PRR16: variants seen among roughly 807,000 people sequenced by gnomAD.
PRR16 encodes the protein protein Largen.
Under a neutral mutation model 18.2 loss-of-function variants are expected in PRR16, and 6 were observed. The observed-to-expected ratio is 0.33, with a 90% CI of 0.18 to 0.65. The LOEUF (loss-of-function observed/expected upper bound fraction) is 0.65, where lower values mean the gene tolerates loss of function less well. Among genes scored for constraint, PRR16 ranks in the 30% least tolerant of loss-of-function variants. The probability of loss-of-function intolerance (pLI) is 0.74; values close to 1 mark genes in which losing one functional copy is unlikely to be tolerated. For missense variants in PRR16, 412 were observed against 376.6 expected (o/e 1.09, Z -0.78); for synonymous variants, 151 against 147.8 (o/e 1.02, Z -0.16).
At chr5:120,585,374 C>T (rs1004630776) in intron 1 of PRR16, among the ~76,000 whole-genome samples, 3 of 152,054 alleles carry the variant, frequency 2.0e-5, no homozygotes, top group Admixed American at 6.6e-5. Flanking sequence ...CTTTGGGAGG[C>T]TGAGATGGGC....
chr5:120,674,946 C>T (rs1009985057), intron 1 of PRR16, among the ~76,000 whole-genome samples: 16 of 151,240 alleles, frequency 1.1e-4, no homozygotes, highest in South Asian at 6.2e-4. Context: ...GCTTTTTTTA[C>T]GTATGTGTTA....
intron 1 of PRR16, among the ~76,000 whole-genome samples, chr5:120,497,010 T>C (rs1353964651): frequency 6.6e-6 from 1 of 152,206 alleles, no homozygotes. Context: ...TTAGAGATTT[T>C]AATGTTCTCT....
At chr5:120,600,485 C>G (rs920146484) in intron 1 of PRR16, among the ~76,000 whole-genome samples, 1 of 151,848 alleles carries the variant, frequency 6.6e-6, no homozygotes, top group African/African-American at 2.4e-5. Flanking sequence ...CTGCTAAGAG[C>G]AGCATGTAAG....
chr5:120,736,093 G>T, the PRR16 span, among the ~76,000 whole-genome samples: 3 of 152,084 alleles, frequency 2.0e-5, no homozygotes, highest in Non-Finnish European at 1.5e-5. Context: ...TCATTGAATA[G>T]GCTTGACACC....
At chr5:120,534,328 C>T (rs1751646341) in intron 1 of PRR16, among the ~76,000 whole-genome samples, 1 of 152,054 alleles carries the variant, frequency 6.6e-6, no homozygotes, top group Non-Finnish European at 1.5e-5. Context: ...TTTTGAATAT[C>T]TTAAAAGATA....
intron 1 of PRR16, among the ~76,000 whole-genome samples, chr5:120,514,081 A>T (rs1750913349): frequency 6.6e-6 from 1 of 152,060 alleles, no homozygotes; most frequent in South Asian, 2.1e-4. Context: ...TCATTATCAT[A>T]TGCCCAGCAT....
At chr5:120,684,303 T>C (rs1428950792) in intron 1 of PRR16, among the ~76,000 whole-genome samples, 1 of 152,068 alleles carries the variant, frequency 6.6e-6, no homozygotes, top group African/African-American at 2.4e-5. Flanking sequence ...CTGGTGGCCT[T>C]TACCTGCCTG....
intron 1 of PRR16, among the ~76,000 whole-genome samples, chr5:120,646,076 C>A (rs993572702): frequency 7.7e-4 from 50 of 64,826 alleles, no homozygotes; most frequent in Admixed American, 4.1e-3. Flanking sequence ...ATATATATAT[C>A]ATAGTTTCAT....
rs1019652255 is a variant in PRR16, at chr5:120,685,323, T to C, written c.160-631T>C. Reference sequence around the variant, plus strand: ...TCTGAGACTCCCAAGGATTCTAAATTGTCATAATAGCACATATTCAACCTT... The same window carrying C: ...TCTGAGACTCCCAAGGATTCTAAATCGTCATAATAGCACATATTCAACCTT... On this transcript the variant is annotated intron_variant, in intron 1 of 1. Coordinates refer to ENST00000407149, the MANE Select transcript of PRR16 (RefSeq NM_001300783.2). Among the ~76,000 whole-genome samples the C allele has an allele frequency of 4.6e-5, 7 of 152,276 alleles. No individual in the cohort carries two copies. The South Asian group carries it at 1.5e-3, about 32-fold the overall frequency.
the PRR16 span, among the ~76,000 whole-genome samples, chr5:120,779,965 TTA>T: frequency 6.6e-6 from 1 of 152,192 alleles, no homozygotes; most frequent in Non-Finnish European, 1.5e-5. Context: ...TGTTGACTGT[TTA>T]TGTCTCTTTA....
the PRR16 span, among the ~76,000 whole-genome samples, chr5:120,723,808 A>G: frequency 6.6e-6 from 1 of 151,894 alleles, no homozygotes; most frequent in Non-Finnish European, 1.5e-5. Context: ...TTTTCTTGGT[A>G]TTATGCTATT....
chr5:120,466,340 CT>C (rs1450447166), intron 1 of PRR16, among the ~76,000 whole-genome samples: 1 of 152,102 alleles, frequency 6.6e-6, no homozygotes, highest in African/African-American at 2.4e-5. Context: ...CAGAATTGTG[CT>C]TAATAGTTGG....
chr5:120,793,494 AAGAAGGTAAGACATC>A, the PRR16 span, among the ~76,000 whole-genome samples: 1 of 152,122 alleles, frequency 6.6e-6, no homozygotes, highest in South Asian at 2.1e-4. Context: ...TGCAAAGAGG[AAGAAGGTAAGACATC>A]AGAAGACCTG....
At chr5:120,528,468 C>G (rs981446889) in intron 1 of PRR16, among the ~76,000 whole-genome samples, 11 of 152,172 alleles carry the variant, frequency 7.2e-5, no homozygotes, top group African/African-American at 2.6e-4. Flanking sequence ...GAGAAAAGAA[C>G]CTGACATAAC....
chr5:120,682,172 C>G (rs75332004), intron 1 of PRR16, among the ~76,000 whole-genome samples: 4,679 of 152,276 alleles, frequency 0.031, 95 homozygotes, highest in Middle Eastern at 0.058. Flanking sequence ...CTCAGGTGAT[C>G]TCTTCTGTCA....
chr5:120,490,414 G>C (rs554784503), intron 1 of PRR16, among the ~76,000 whole-genome samples: 1 of 151,774 alleles, frequency 6.6e-6, no homozygotes, highest in African/African-American at 2.4e-5. Context: ...GTCTTCCATC[G>C]CTGATACCCT....
chr5:120,690,957 T>A (rs1266623319), downstream of PRR16, among the ~76,000 whole-genome samples: 1 of 152,194 alleles, frequency 6.6e-6, no homozygotes, highest in Non-Finnish European at 1.5e-5. Context: ...TATGGAATTG[T>A]GTAAAGACAC....
intron 1 of PRR16, among the ~76,000 whole-genome samples, chr5:120,549,282 T>C (rs1752177246): frequency 6.6e-6 from 1 of 152,032 alleles, no homozygotes; most frequent in South Asian, 2.1e-4. Context: ...TTTTATTTTG[T>C]AGAGATGGCA....
chr5:120,551,311 G>T (rs137867906), intron 1 of PRR16, among the ~76,000 whole-genome samples: 84 of 152,010 alleles, frequency 5.5e-4, no homozygotes, highest in African/African-American at 2.0e-3. Flanking sequence ...ATATCTACCA[G>T]GTTCATCCAT....
Sources: gnomAD v4.1 joint callset for allele counts (sites outside exome capture counted in the v4.1 genomes callset) on GRCh38, gnomAD v4.1.1 for gene constraint, MANE v1.5 for transcripts, NCBI Gene and HGNC (gene_info 2026-07-23, HGNC 2026-07-21) for gene names.